Variants in ELAVL3 observed in about 807,000 individuals in gnomAD.
The protein encoded by ELAVL3 is ELAV like RNA binding protein 3, also known as ELAV-like protein 3.
ELAVL3 carries 8 observed loss-of-function variants against 34.2 expected under a neutral mutation model. That is an observed-to-expected ratio of 0.23 (90% confidence interval 0.14 to 0.42). The LOEUF is 0.42. Among genes scored for constraint, ELAVL3 ranks in the 10% least tolerant of loss-of-function variants. The pLI is 1.00. For missense variants in ELAVL3, 273 were observed against 518.8 expected, an observed-to-expected ratio of 0.53 and a Z score of 4.60; for synonymous variants, 209 against 222.1, an observed-to-expected ratio of 0.94 and a Z score of 0.53.
Position 11,466,760 on chromosome 19 carries a change from G to A in ELAVL3, c.77C>T (p.Pro26Leu). 6.2e-7 allele frequency: 1 copy of A among 1,614,172 alleles called. No individual in the cohort carries two copies. The change falls in exon 2 of 7, where the codon CCA (proline) becomes CTA (leucine). Residue 26 changes from proline (P) to leucine (L), a missense_variant. This residue lies in a region of ELAVL3 where 40 missense variants were observed against 40.8 expected (regional missense o/e 0.98). Coordinates refer to ENST00000359227, the MANE Select transcript of ELAVL3 (RefSeq NM_001420.4). This position sits in a 1 kb window ranked among gnomAD's most constrained non-coding sequence, Gnocchi z 5.0. ...GPAGPALPNGPLLGTNGATDD... is the reference protein window; with the variant it reads ...GPAGPALPNGLLLGTNGATDD... ...AGTGGCTCCATTTGTACCAAGGAGT[G>A]GCCCGTTGGGCAGGGCCGGGCCGGC...
In ELAVL3 at chr19:11,453,269, G is replaced by A. The variant is rs2144871152; in HGVS notation, c.*1257C>T. ...TCGTGTGTCTCAATGCATGTGCGCTGCGTGTGCACGCCTGTGTTCGTGGGC... is the reference window on the plus strand; with the variant it reads ...TCGTGTGTCTCAATGCATGTGCGCTACGTGTGCACGCCTGTGTTCGTGGGC... On this transcript the variant is annotated 3_prime_UTR_variant, in exon 7 of 7. Transcript: ENST00000359227. 6.6e-6 allele frequency: 1 copy of A among 152,364 alleles called. No homozygotes were observed. The highest frequency in any genetic ancestry group is 2.1e-4 in the South Asian group (1 of 4,828). The allele number at this position is 152,364 out of a possible 1,614,324, so 9.4% of individuals were successfully genotyped here.
At chr19:11,469,937 A>G (rs972128622) in intron 1 of ELAVL3, among the ~76,000 whole-genome samples, 64 of 152,346 alleles carry the variant, frequency 4.2e-4, no homozygotes, top group African/African-American at 1.4e-3. Context: ...GTGTGCCTGT[A>G]GCAAAGATAC....
chr19:11,458,326 C>T lies in ELAVL3; in HGVS notation c.488-40G>A, dbSNP rs1199568094. The T allele has an allele frequency of 1.2e-6, 2 of 1,609,776 alleles. No individual in the cohort carries two copies. The highest frequency in any genetic ancestry group is 2.7e-5 in the African/African-American group (2 of 74,870). On this transcript the variant is annotated intron_variant, in intron 4 of 6. Coordinates refer to ENST00000359227, the MANE Select transcript of ELAVL3 (RefSeq NM_001420.4). The surrounding 1 kb of genome is among the most constrained non-coding windows in gnomAD (Gnocchi z 7.3). The stretch of plus-strand genomic sequence containing the variant: ...GGATGTCCATCACGACGACCCTGTC[C>T]CCTCCTGTGTAACCCCACTTCTCCC...
At position 11,480,516 on chromosome 19, in the gene ELAVL3, C is replaced by CG; in HGVS notation, c.9+83_9+84insC. The CG allele has an allele frequency of 7.1e-7, 1 of 1,417,916 alleles. No homozygotes were observed. The highest frequency in any genetic ancestry group is 9.2e-7 in the Non-Finnish European group (1 of 1,083,234). The allele number at this position is 1,417,916 out of a possible 1,614,324, so 87.8% of individuals were successfully genotyped here. A position where few individuals can be genotyped will look rare whatever the true frequency, so the allele number is the denominator to read the frequency against. On this transcript the variant is annotated intron_variant, in intron 1 of 6. Coordinates refer to ENST00000359227, the MANE Select transcript of ELAVL3 (RefSeq NM_001420.4). This position sits in a 1 kb window ranked among gnomAD's most constrained non-coding sequence, Gnocchi z 6.8. ...CTAGCTAGGCCTGGTCCTACCCCCC[C>CG]CGCCGCACCCGCCCAATCTCCGCGG...
At chr19:11,457,557 C>T (rs1021299071) in intron 5 of ELAVL3, among the ~76,000 whole-genome samples, 1 of 152,224 alleles carries the variant, frequency 6.6e-6, no homozygotes, top group African/African-American at 2.4e-5. Flanking sequence ...CATTGTCTCC[C>T]CTTGGAGTGG....
chr19:11,475,557 G>A (rs1971246478), intron 1 of ELAVL3, among the ~76,000 whole-genome samples: 1 of 151,460 alleles, frequency 6.6e-6, no homozygotes, highest in Non-Finnish European at 1.5e-5. Flanking sequence ...TCCTGCCTCT[G>A]CCTTCCAAAG....
At chr19:11,457,528 G>T (rs1303615944) in intron 5 of ELAVL3, among the ~76,000 whole-genome samples, 1 of 152,198 alleles carries the variant, frequency 6.6e-6, no homozygotes, top group Non-Finnish European at 1.5e-5. Flanking sequence ...CGGCCACCCG[G>T]GGGCCCACAA....
At chr19:11,462,976 A>G (rs532868361) in intron 3 of ELAVL3, among the ~76,000 whole-genome samples, 43 of 150,492 alleles carry the variant, frequency 2.9e-4, no homozygotes, top group East Asian at 7.7e-4. Context: ...AAAAAAAAAA[A>G]AAAGAAAGAA....
intron 1 of ELAVL3, among the ~76,000 whole-genome samples, chr19:11,468,044 C>A (rs1391912439): frequency 6.6e-6 from 1 of 152,240 alleles, no homozygotes; most frequent in African/African-American, 2.4e-5. Flanking sequence ...CCCACTTTGG[C>A]CTCCCAAAGT....
intron 1 of ELAVL3, among the ~76,000 whole-genome samples, chr19:11,472,875 GAC>G (rs1003219488): frequency 2.3e-4 from 35 of 151,644 alleles, no homozygotes; most frequent in Non-Finnish European, 3.5e-4. Context: ...AGACCATCCT[GAC>G]CAAACATGGT....
At chr19:11,471,545 G>A (rs1011859281) in intron 1 of ELAVL3, among the ~76,000 whole-genome samples, 4 of 152,028 alleles carry the variant, frequency 2.6e-5, no homozygotes, top group African/African-American at 7.2e-5. Flanking sequence ...CCTGGGAGAC[G>A]GAGTTTGCAG....
At chr19:11,457,827 A>G (rs945691912) in intron 5 of ELAVL3, among the ~76,000 whole-genome samples, 1 of 152,252 alleles carries the variant, frequency 6.6e-6, no homozygotes, top group Non-Finnish European at 1.5e-5. Flanking sequence ...CCAGAGCTGG[A>G]ACCCAGATGA....
rs1046984558 is a variant in ELAVL3 at position 11,466,423 on chromosome 19, C to T, written c.230-148G>A. The T allele has an allele frequency of 1.2e-5, 12 of 990,738 alleles. No individual in the cohort carries two copies. The highest frequency in any genetic ancestry group is 1.7e-5 in the Non-Finnish European group (11 of 651,434). The allele number at this position is 990,738 out of a possible 1,614,324, so 61.4% of individuals were successfully genotyped here. On this transcript the variant is annotated intron_variant, in intron 2 of 6. Transcript: ENST00000359227. The surrounding 1 kb of genome is among the most constrained non-coding windows in gnomAD (Gnocchi z 5.0). ...CCTTCGATGCTAGAGTCCCACCTGC[C>T]TCCATCGCTCCTGAGACCTTCACCT...
At chr19:11,463,103 G>T (rs1258684475) in intron 3 of ELAVL3, among the ~76,000 whole-genome samples, 2 of 152,124 alleles carry the variant, frequency 1.3e-5, no homozygotes, top group Admixed American at 6.6e-5. Context: ...TAGATTTGGG[G>T]GTAAGATCCT....
At chr19:11,457,872 T>C (rs1189045904) in intron 5 of ELAVL3, among the ~76,000 whole-genome samples, 189 bp downstream of exon 5, 1 of 152,206 alleles carries the variant, frequency 6.6e-6, no homozygotes, top group Non-Finnish European at 1.5e-5. Context: ...ATGCCAATCG[T>C]CGCGGCCAGC....
In ELAVL3 at chr19:11,466,588, C is replaced by A; in HGVS notation, c.229+20G>T. 6.2e-7 allele frequency: 1 copy of A among 1,613,046 alleles called. No homozygotes were observed. The highest frequency in any genetic ancestry group is 8.5e-7 in the Non-Finnish European group (1 of 1,179,578). On this transcript the variant is annotated intron_variant, in intron 2 of 6. Coordinates refer to ENST00000359227, the MANE Select transcript of ELAVL3 (RefSeq NM_001420.4). The surrounding 1 kb of genome is among the most constrained non-coding windows in gnomAD (Gnocchi z 5.0). Reference sequence around the variant, plus strand: ...TGAGGCTACCACCTCTGTTCCTCCCCGCAACTCCAGCAGCCACACCTGTGA... The same window carrying A: ...TGAGGCTACCACCTCTGTTCCTCCCAGCAACTCCAGCAGCCACACCTGTGA...
chr19:11,464,167 A>ATATATATTTTT (rs1319720810), intron 3 of ELAVL3, among the ~76,000 whole-genome samples: 1 of 103,850 alleles, frequency 9.6e-6, no homozygotes, highest in African/African-American at 4.3e-5. Flanking sequence ...ATATATATAT[A>ATATATATTTTT]TTTTTTTTTT....
chr19:11,462,200 C>T (rs956615656), intron 3 of ELAVL3, among the ~76,000 whole-genome samples: 9 of 139,740 alleles, frequency 6.4e-5, no homozygotes, highest in Non-Finnish European at 1.2e-4. Flanking sequence ...AAAGAAATAA[C>T]TAGTTTAAAA....
chr19:11,467,441 A>G (rs894573837), intron 1 of ELAVL3, among the ~76,000 whole-genome samples: 1 of 151,554 alleles, frequency 6.6e-6, no homozygotes, highest in African/African-American at 2.4e-5. Flanking sequence ...AATAAAATAA[A>G]TGCTTTCGCT....
Sources: allele counts gnomAD v4.1 joint callset (sites outside exome capture counted in the v4.1 genomes callset), GRCh38; gene constraint gnomAD v4.1.1; regional missense constraint gnomAD v4.1.1; non-coding constraint Gnocchi (gnomAD v3.1); transcripts MANE v1.5; gene names NCBI Gene and HGNC (gene_info 2026-07-23, HGNC 2026-07-21).